The following ANKRD30A variants were observed in gnomAD, a reference collection of about 807,000 sequenced individuals.
ANKRD30A encodes the protein ankyrin repeat domain 30A.
A neutral mutation model predicts 166.3 loss-of-function variants in ANKRD30A; 170 were observed. The observed-to-expected ratio is 1.02, with a 90% CI of 0.90 to 1.16. The LOEUF is 1.16. Ranked by LOEUF, ANKRD30A falls within the 50% of genes most tolerant of loss-of-function variation. The pLI, the probability that ANKRD30A is intolerant of heterozygous loss-of-function variation, is 0.00. For missense variants in ANKRD30A, 1,630 were observed against 1,518.0 expected (o/e 1.07, Z -1.23); for synonymous variants, 564 against 508.9 (o/e 1.11, Z -1.46).
chr10:37,132,127 T>C lies in ANKRD30A; in HGVS notation c.511-113T>C, dbSNP rs1361702328. The C allele has an allele frequency of 6.1e-6, 4 of 659,332 alleles. No individual in the cohort carries two copies. The African/African-American group carries it at 7.5e-5, about 12-fold the overall frequency. 40.8% of individuals were successfully genotyped at this position (659,332 alleles called of 1,614,324 possible). A position where few individuals can be genotyped will look rare whatever the true frequency, so the allele number is the denominator to read the frequency against. ...AAAAGGGAGAAAGAAGGGACTGCTA[T>C]TGATTTACTTTCTATTTTATGTGTT... is the stretch of plus-strand genomic sequence containing the variant. On this transcript the variant is annotated intron_variant, in intron 3 of 35. Transcript: ENST00000361713.
intron 15 of ANKRD30A, among the ~76,000 whole-genome samples, chr10:37,160,048 G>A (rs991015223): frequency 6.6e-6 from 1 of 152,134 alleles, no homozygotes; most frequent in Admixed American, 6.5e-5. Context: ...TATTGTCCTG[G>A]AACTTCCTTG....
chr10:37,182,998 CT>C lies in ANKRD30A; in HGVS notation c.2422-6468del, dbSNP rs1176286503. ...TTAGATGGACCCAATACAATTAGCT[CT>C]GCTTTGATTTAAGGCCTCATAGTTT... On this transcript the variant is annotated intron_variant, in intron 24 of 35. Transcript: ENST00000361713. 3.3e-5 allele frequency among the ~76,000 whole-genome samples: 5 copies of C among 150,872 alleles called. No individual in the cohort carries two copies. The East Asian group carries it at 9.8e-4, about 30-fold the overall frequency.
chr10:37,133,628 A>G (rs1173060336), intron 4 of ANKRD30A, among the ~76,000 whole-genome samples: 2 of 152,212 alleles, frequency 1.3e-5, no homozygotes, highest in Admixed American at 1.3e-4. Flanking sequence ...AGGAAGAAAT[A>G]GATAATTTTT....
chr10:37,219,220 G>A lies in ANKRD30A; in HGVS notation c.3508G>A (p.Val1170Ile), dbSNP rs1842754240. 5 of 1,610,692 alleles carry A rather than the reference G, an allele frequency of 3.1e-6. No homozygotes were observed. The South Asian group carries it at 5.5e-5, about 18-fold the overall frequency. The change falls in exon 34 of 36, where the codon GTT (valine) becomes ATT (isoleucine). Residue 1170 changes from valine to isoleucine, a missense_variant. Transcript: ENST00000361713. ...RASQYSGQLK[V>I]LIAENTMLTS... is the part of the protein sequence containing the mutation. ...ATCTCAATATAGTGGGCAGCTTAAA[G>A]TTCTGATAGCTGAGAACACAATGCT...
rs772253614 is a variant in ANKRD30A at position 37,134,002 on chromosome 10, A to G, written c.704A>G (p.Asp235Gly). The change falls in exon 5 of 36, where the codon GAT becomes GGT. Residue 235 changes from aspartate to glycine, a missense_variant. Physicochemically the swap from Asp to Gly is moderately conservative, Grantham distance 94. Transcript: ENST00000361713. ...LQQNVDVFAADICGVTAEHYA... is the reference protein window; with the variant it reads ...LQQNVDVFAAGICGVTAEHYA... ...CAAAATGTTGACGTCTTTGCTGCAG[A>G]TATATGTGGAGTAACTGCAGAACAT... 3.5e-5 allele frequency: 56 copies of G among 1,613,928 alleles called. No individual in the cohort carries two copies. The highest frequency in any genetic ancestry group is 4.0e-5 in the African/African-American group (3 of 74,908).
chr10:37,228,910 AAAC>A (rs1843284864), intron 34 of ANKRD30A, among the ~76,000 whole-genome samples: 1 of 152,004 alleles, frequency 6.6e-6, no homozygotes, highest in African/African-American at 2.4e-5. Flanking sequence ...TAGTGGGTTA[AAAC>A]AACAACATTT....
At chr10:37,244,263 T>G in the ANKRD30A span, among the ~76,000 whole-genome samples, 1 of 152,264 alleles carries the variant, frequency 6.6e-6, no homozygotes, top group South Asian at 2.1e-4. Flanking sequence ...ATCAAACTTG[T>G]AAGCAACGTC....
At chr10:37,200,938 T>C (rs1841572682) in intron 30 of ANKRD30A, among the ~76,000 whole-genome samples, 1 of 152,090 alleles carries the variant, frequency 6.6e-6, no homozygotes, top group South Asian at 2.1e-4. Flanking sequence ...ATGTTAGATA[T>C]TTTTAAGAGA....
At chr10:37,242,927 T>C in the ANKRD30A span, among the ~76,000 whole-genome samples, 19 of 152,332 alleles carry the variant, frequency 1.2e-4, no homozygotes, top group Non-Finnish European at 2.2e-4. Context: ...TGCATTTTTA[T>C]GCTTGTTTAC....
In ANKRD30A at chr10:37,142,291, G is replaced by A; in HGVS notation, c.1393+1G>A. ...TCATCTACAAAAGCAAGTGCCAATG[G>A]TAAGATGCTAGAGCGAACTTTGTAA... is the stretch of plus-strand genomic sequence containing the variant. On this transcript the variant is annotated splice_donor_variant, in intron 7 of 35. Coordinates refer to ENST00000361713, the MANE Select transcript of ANKRD30A (RefSeq NM_052997.3). LOFTEE classifies it high-confidence loss of function. 2 of 1,586,868 alleles carry A rather than the reference G, an allele frequency of 1.3e-6. No homozygotes were observed. Among genetic ancestry groups the A allele is most frequent in the Non-Finnish European group, 1.7e-6 (2 of 1,171,872 alleles).
chr10:37,164,961 A>G lies in ANKRD30A; in HGVS notation c.2003-133A>G, dbSNP rs746261524. 3 of 897,372 alleles carry G rather than the reference A, an allele frequency of 3.3e-6. No individual in the cohort carries two copies. The African/African-American group carries it at 5.0e-5, about 15-fold the overall frequency. 55.6% of individuals were successfully genotyped at this position (897,372 alleles called of 1,614,324 possible). Reference sequence around the variant, plus strand: ...GAATGACTATAGAAGTAGTCATTGTAATCAACAAAAAGAACATATGGGCCA... The same window carrying G: ...GAATGACTATAGAAGTAGTCATTGTGATCAACAAAAAGAACATATGGGCCA... On this transcript the variant is annotated intron_variant, in intron 17 of 35. Transcript: ENST00000361713.
chr10:37,162,730 G>T (rs750395659), intron 16 of ANKRD30A, 46 bp from the exon 17 acceptor site: 2 of 1,613,030 alleles, frequency 1.2e-6, no homozygotes, highest in Non-Finnish European at 1.7e-6. Context: ...TGTATTTTGT[G>T]AAGTATACAT....
chr10:37,223,503 T>G (rs1254211362), intron 34 of ANKRD30A, among the ~76,000 whole-genome samples: 4 of 151,368 alleles, frequency 2.6e-5, no homozygotes, highest in Non-Finnish European at 5.9e-5. Flanking sequence ...TTTGAGGGCA[T>G]CTTTGGAAAC....
intron 17 of ANKRD30A, 28 bp downstream of exon 17, chr10:37,162,876 G>T (rs747751537): frequency 6.2e-7 from 1 of 1,605,082 alleles, no homozygotes; most frequent in Admixed American, 1.7e-5. Context: ...ACTATGGAAA[G>T]ACCAATATTT....
chr10:37,249,876 T>C, the ANKRD30A span, among the ~76,000 whole-genome samples: 3 of 152,212 alleles, frequency 2.0e-5, no homozygotes, highest in Non-Finnish European at 4.4e-5. Context: ...GATCAGACCA[T>C]TTTGGGGAAA....
rs1054186807 is a variant in ANKRD30A, at chr10:37,164,968, A to G, written c.2003-126A>G. ...TATAGAAGTAGTCATTGTAATCAAC[A>G]AAAAGAACATATGGGCCACAGAGGA... is the stretch of plus-strand genomic sequence containing the variant. On this transcript the variant is annotated intron_variant, in intron 17 of 35. Transcript: ENST00000361713. 6.9e-6 allele frequency: 7 copies of G among 1,020,030 alleles called. No homozygotes were observed. In the African/African-American group the frequency reaches 1.1e-4, roughly 16 times the overall value. 63.2% of individuals were successfully genotyped at this position (1,020,030 alleles called of 1,614,324 possible). A position where few individuals can be genotyped will look rare whatever the true frequency, so the allele number is the denominator to read the frequency against.
chr10:37,248,187 A>G, the ANKRD30A span: 1 of 634,180 alleles, frequency 1.6e-6, no homozygotes, highest in Non-Finnish European at 3.1e-6. Flanking sequence ...GAGCATGCTC[A>G]GGTTTCCCCA....
chr10:37,171,776 C>T (rs1839584093), intron 21 of ANKRD30A, among the ~76,000 whole-genome samples: 2 of 150,602 alleles, frequency 1.3e-5, no homozygotes. Context: ...CAGATTCATT[C>T]TGTGTCTCAT....
At chr10:37,191,089 T>C (rs1482695714) in intron 25 of ANKRD30A, among the ~76,000 whole-genome samples, 1 of 151,976 alleles carries the variant, frequency 6.6e-6, no homozygotes, top group East Asian at 1.9e-4. Flanking sequence ...GAAAATGTTA[T>C]TAATATTTAA....
Sources: allele counts gnomAD v4.1 joint callset (sites outside exome capture counted in the v4.1 genomes callset), GRCh38; gene constraint gnomAD v4.1.1; transcripts MANE v1.5; gene names NCBI Gene and HGNC (gene_info 2026-07-23, HGNC 2026-07-21).